The following RBFOX3 variants were observed in gnomAD, a reference collection of about 807,000 sequenced individuals.
The protein encoded by RBFOX3 is RNA binding fox-1 homolog 3.
A neutral mutation model predicts 48.7 loss-of-function variants in RBFOX3; 17 were observed. The observed-to-expected ratio is 0.35, with a 90% confidence interval of 0.24 to 0.52. The LOEUF (loss-of-function observed/expected upper bound fraction) is 0.52, where lower values mean the gene tolerates loss of function less well. RBFOX3 is among the 20% of genes least tolerant of loss of function. The pLI is 0.94. For missense variants in RBFOX3, 382 were observed against 497.5 expected, an observed-to-expected ratio of 0.77 and a Z score of 2.21; for synonymous variants, 212 against 209.5, an observed-to-expected ratio of 1.01 and a Z score of -0.10.
chr17:79,584,295 T>C (rs1006987532), intron 1 of RBFOX3, among the ~76,000 whole-genome samples: 6 of 152,244 alleles, frequency 3.9e-5, no homozygotes, highest in Middle Eastern at 3.2e-3. Context: ...CTGGTGGGAA[T>C]GTAAACTAGT....
At chr17:79,170,521 T>A (rs1331302738) in intron 4 of RBFOX3, among the ~76,000 whole-genome samples, 3 of 151,998 alleles carry the variant, frequency 2.0e-5, no homozygotes, top group Non-Finnish European at 4.4e-5. Context: ...AAGCATCCCA[T>A]CCACCACGCG....
intron 4 of RBFOX3, among the ~76,000 whole-genome samples, chr17:79,232,124 G>A (rs572106649): frequency 1.5e-4 from 23 of 152,214 alleles, no homozygotes; most frequent in Non-Finnish European, 2.8e-4. Context: ...CACCCCCATG[G>A]TCCAATTACC....
chr17:79,443,669 C>G lies in RBFOX3; in HGVS notation c.-175+38785G>C, dbSNP rs782688070. 6.6e-6 allele frequency among the ~76,000 whole-genome samples: 1 copy of G among 152,236 alleles called. No individual in the cohort carries two copies. Among genetic ancestry groups the G allele is most frequent in the South Asian group, 2.1e-4 (1 of 4,836 alleles). ...AAGTGCTGGGATTACAGGCATGAGC[C>G]ACCGCACCCTCTTGTTCACTGTCTC... On this transcript the variant is annotated intron_variant, in intron 2 of 14. Transcript: ENST00000693108. This position sits in a 1 kb window ranked among gnomAD's most constrained non-coding sequence, Gnocchi z 4.4.
intron 4 of RBFOX3, among the ~76,000 whole-genome samples, chr17:79,219,350 T>C (rs926072596): frequency 6.6e-6 from 1 of 152,250 alleles, no homozygotes; most frequent in Non-Finnish European, 1.5e-5. Flanking sequence ...GCCTAGAGGC[T>C]GATGATCCGG....
chr17:79,359,434 C>T (rs998233959), intron 2 of RBFOX3, among the ~76,000 whole-genome samples: 1 of 152,218 alleles, frequency 6.6e-6, no homozygotes, highest in Admixed American at 6.5e-5. Flanking sequence ...TAGCAAGCTA[C>T]TCTCCACATC....
chr17:79,129,138 CTGA>C (rs1599567576), intron 4 of RBFOX3, among the ~76,000 whole-genome samples: 4 of 152,148 alleles, frequency 2.6e-5, no homozygotes, highest in African/African-American at 9.7e-5. Flanking sequence ...GCTGCTGCTG[CTGA>C]TGATGATAAT....
the RBFOX3 span, among the ~76,000 whole-genome samples, chr17:79,631,546 G>T: frequency 2.6e-5 from 4 of 152,168 alleles, no homozygotes; most frequent in Non-Finnish European, 5.9e-5. Flanking sequence ...TGAGGGACCG[G>T]CCAGGGCTGA....
At chr17:79,185,582 A>G (rs1296010254) in intron 4 of RBFOX3, among the ~76,000 whole-genome samples, 1 of 152,024 alleles carries the variant, frequency 6.6e-6, no homozygotes, top group Admixed American at 6.5e-5. Flanking sequence ...GCCCTGCTGC[A>G]CCTTCCCTGG....
At chr17:79,397,913 C>T (rs1030962209) in intron 2 of RBFOX3, among the ~76,000 whole-genome samples, 1 of 152,164 alleles carries the variant, frequency 6.6e-6, no homozygotes, top group Non-Finnish European at 1.5e-5. Flanking sequence ...GATTTTCCGT[C>T]CTGGATCACC....
At chr17:79,289,107 T>G (rs957020582) in intron 3 of RBFOX3, among the ~76,000 whole-genome samples, 1 of 152,112 alleles carries the variant, frequency 6.6e-6, no homozygotes, top group Non-Finnish European at 1.5e-5. Flanking sequence ...TCTCTAACCT[T>G]CTGCTGCTCC....
At chr17:79,304,717 C>G (rs1437735252) in intron 3 of RBFOX3, among the ~76,000 whole-genome samples, 1 of 152,158 alleles carries the variant, frequency 6.6e-6, no homozygotes, top group Non-Finnish European at 1.5e-5. Context: ...ACCCTTCTAA[C>G]CCCAGGGGAG....
chr17:79,436,932 C>A (rs2069597539), intron 2 of RBFOX3, among the ~76,000 whole-genome samples: 1 of 152,120 alleles, frequency 6.6e-6, no homozygotes, highest in Non-Finnish European at 1.5e-5. Flanking sequence ...GGAGCTGGGG[C>A]AGGAGGAGGG....
At chr17:79,123,260 C>T (rs2036249640) in intron 4 of RBFOX3, among the ~76,000 whole-genome samples, 1 of 152,174 alleles carries the variant, frequency 6.6e-6, no homozygotes, top group Admixed American at 6.5e-5. Context: ...GAGGTGGACA[C>T]CCCATCTTCC....
At chr17:79,379,514 G>A (rs748697131) in intron 2 of RBFOX3, among the ~76,000 whole-genome samples, 11 of 152,112 alleles carry the variant, frequency 7.2e-5, no homozygotes, top group Non-Finnish European at 1.3e-4. Context: ...CATTAAGCAC[G>A]GATGGCTGTT....
At chr17:79,603,486 G>A (rs2093757295) in intron 1 of RBFOX3, among the ~76,000 whole-genome samples, 1 of 152,336 alleles carries the variant, frequency 6.6e-6, no homozygotes, top group East Asian at 1.9e-4. Context: ...CTAAGGACAT[G>A]AGCTGCTGGG....
chr17:79,220,293 G>T lies in RBFOX3; in HGVS notation c.-34+15473C>A, dbSNP rs2059573095. On this transcript the variant is annotated intron_variant, in intron 4 of 14. Coordinates refer to ENST00000693108, the MANE Select transcript of RBFOX3 (RefSeq NM_001350451.2). This position sits in a 1 kb window ranked among gnomAD's most constrained non-coding sequence, Gnocchi z 5.9. ...TGGCGGCAGGTTGGTGGGGGTAGGG[G>T]CTTGGTCCCCCAACGCTGGCACTCA... 6.6e-6 allele frequency among the ~76,000 whole-genome samples: 1 copy of T among 152,230 alleles called. No homozygotes were observed. The highest frequency in any genetic ancestry group is 2.1e-4 in the South Asian group (1 of 4,832).
chr17:79,646,581 G>A, the RBFOX3 span, among the ~76,000 whole-genome samples: 5 of 152,174 alleles, frequency 3.3e-5, no homozygotes, highest in Admixed American at 2.6e-4. Context: ...TCACTACCAT[G>A]AGAACAATAT....
chr17:79,127,395 C>T (rs1026199171), intron 4 of RBFOX3, among the ~76,000 whole-genome samples: 3 of 152,026 alleles, frequency 2.0e-5, no homozygotes, highest in Admixed American at 1.3e-4. Flanking sequence ...GTGTCCAGAG[C>T]GGTGAGGGAG....
intron 3 of RBFOX3, among the ~76,000 whole-genome samples, chr17:79,262,547 T>C (rs954440506): frequency 1.3e-5 from 2 of 152,268 alleles, no homozygotes; most frequent in Non-Finnish European, 2.9e-5. Context: ...TGCTGCTGTC[T>C]GCTCAGAGGG....
Sources: allele counts gnomAD v4.1 joint callset (sites outside exome capture counted in the v4.1 genomes callset), GRCh38; gene constraint gnomAD v4.1.1; non-coding constraint Gnocchi (gnomAD v3.1); transcripts MANE v1.5; gene names NCBI Gene and HGNC (gene_info 2026-07-23, HGNC 2026-07-21).